AUTS2: variants seen among roughly 807,000 people sequenced by gnomAD.
AUTS2 encodes the protein autism susceptibility gene 2 protein.
A neutral mutation model predicts 112.4 loss-of-function variants in AUTS2; 17 were observed. The observed-to-expected ratio is 0.15, with a 90% confidence interval of 0.10 to 0.23. The LOEUF (loss-of-function observed/expected upper bound fraction) is 0.23. Among genes scored for constraint, AUTS2 ranks in the 10% least tolerant of loss-of-function variants. The probability of loss-of-function intolerance (pLI) is 1.00; values close to 1 mark genes in which losing one functional copy is unlikely to be tolerated. For synonymous variants in AUTS2, 751 were observed against 702.7 expected, an observed-to-expected ratio of 1.07 and a Z score of -1.09; for missense variants, 1,510 against 1,701.6, an observed-to-expected ratio of 0.89 and a Z score of 1.98.
intron 2 of AUTS2, among the ~76,000 whole-genome samples, chr7:69,940,480 G>C (rs1196044134): frequency 6.6e-6 from 1 of 152,182 alleles, no homozygotes; most frequent in Admixed American, 6.5e-5. Context: ...ACAACAGAGA[G>C]AAGCCCATTA....
At chr7:69,609,321 T>C (rs75687067) in intron 1 of AUTS2, among the ~76,000 whole-genome samples, 1 of 152,324 alleles carries the variant, frequency 6.6e-6, no homozygotes, top group African/African-American at 2.4e-5. Flanking sequence ...CTAAGAAATG[T>C]TCTGATTTAC....
chr7:70,309,744 T>C (rs1006597166), intron 4 of AUTS2, among the ~76,000 whole-genome samples: 1 of 152,228 alleles, frequency 6.6e-6, no homozygotes, highest in Non-Finnish European at 1.5e-5. Flanking sequence ...GTAAAACTTA[T>C]TAAGTAGATG....
At chr7:70,097,363 T>G (rs923913106) in intron 2 of AUTS2, among the ~76,000 whole-genome samples, 1 of 152,200 alleles carries the variant, frequency 6.6e-6, no homozygotes, top group Non-Finnish European at 1.5e-5. Flanking sequence ...GGGTGACATT[T>G]TCTTAAGGTT....
chr7:70,475,180 A>T (rs964745214), intron 5 of AUTS2, among the ~76,000 whole-genome samples: 3 of 152,112 alleles, frequency 2.0e-5, no homozygotes, highest in African/African-American at 4.8e-5. Flanking sequence ...ATTCTGAGAG[A>T]TTCTTTTTTT....
At chr7:70,420,190 A>G (rs1017671525) in intron 4 of AUTS2, among the ~76,000 whole-genome samples, 3 of 152,334 alleles carry the variant, frequency 2.0e-5, no homozygotes, top group East Asian at 3.9e-4. Context: ...GACTCTTCAC[A>G]TTCTACTCAA....
At chr7:70,301,912 C>T (rs753841068) in intron 4 of AUTS2, among the ~76,000 whole-genome samples, 10 of 150,928 alleles carry the variant, frequency 6.6e-5, no homozygotes, top group South Asian at 2.1e-4. Flanking sequence ...GTGTGCACCA[C>T]GATGCCTGTG....
At chr7:70,408,106 A>G (rs1794619487) in intron 4 of AUTS2, among the ~76,000 whole-genome samples, 1 of 150,776 alleles carries the variant, frequency 6.6e-6, no homozygotes, top group Non-Finnish European at 1.5e-5. Context: ...GCTTGAGCCC[A>G]GGGTGTTGAG....
At chr7:70,443,578 CAA>C (rs1485672005) in intron 5 of AUTS2, among the ~76,000 whole-genome samples, 3 of 152,178 alleles carry the variant, frequency 2.0e-5, no homozygotes, top group African/African-American at 7.2e-5. Context: ...CTCAGTCTTC[CAA>C]GAGAGAATAA....
At chr7:70,689,775 C>CAAA (rs60869776) in intron 5 of AUTS2, among the ~76,000 whole-genome samples, 11 of 74,680 alleles carry the variant, frequency 1.5e-4, no homozygotes, top group Admixed American at 3.1e-4. Flanking sequence ...GACTCCGTCT[C>CAAA]AAAAAAAAAA....
At chr7:70,546,560 C>T (rs1279440138) in intron 5 of AUTS2, among the ~76,000 whole-genome samples, 9 of 152,122 alleles carry the variant, frequency 5.9e-5, no homozygotes, top group Non-Finnish European at 8.8e-5. Flanking sequence ...GGGCGGATCA[C>T]GAGGTCAGGA....
rs142356989 is a variant in AUTS2, at chr7:70,459,284, A to G, written c.690+23503A>G. On this transcript the variant is annotated intron_variant, in intron 5 of 18. Coordinates refer to ENST00000342771, the MANE Select transcript of AUTS2 (RefSeq NM_015570.4). ...GGTGGGAAAATGATGTTTGCTGACC[A>G]TCCTTGAAATTGAGGCACAATGTAG... 5.9e-5 allele frequency among the ~76,000 whole-genome samples: 9 copies of G among 152,288 alleles called. No individual in the cohort carries two copies. In the South Asian group the frequency reaches 6.2e-4, roughly 11 times the overall value.
chr7:70,315,074 A>G (rs2129616414), intron 4 of AUTS2, among the ~76,000 whole-genome samples: 1 of 152,322 alleles, frequency 6.6e-6, no homozygotes, highest in East Asian at 1.9e-4. Flanking sequence ...TGCTAATAAA[A>G]TAGTTTCTTA....
intron 1 of AUTS2, among the ~76,000 whole-genome samples, chr7:69,807,695 T>G (rs1790366376): frequency 6.6e-6 from 1 of 152,194 alleles, no homozygotes; most frequent in Admixed American, 6.5e-5. Flanking sequence ...ATCTGAATGT[T>G]TGACTGGAGC....
Position 69,838,470 on chromosome 7 carries a change from G to T in AUTS2, c.310-60816G>T, listed in dbSNP as rs114713539. Among the ~76,000 whole-genome samples the T allele has an allele frequency of 2.9e-3, 442 of 152,244 alleles. 5 individuals are homozygous for T. Among genetic ancestry groups the T allele is most frequent in the African/African-American group, 0.01 (428 of 41,548 alleles). On this transcript the variant is annotated intron_variant, in intron 1 of 18. Transcript: ENST00000342771. ...GGAAACTGAGGCACAGAGAGTTTCA[G>T]TCATTTGCCCAAGCCACATAGCTGG...
At chr7:69,891,650 T>A (rs1388047812) in intron 1 of AUTS2, among the ~76,000 whole-genome samples, 2 of 152,116 alleles carry the variant, frequency 1.3e-5, no homozygotes, top group African/African-American at 4.8e-5. Flanking sequence ...AGGGTCATTC[T>A]TTCTTATTTC....
At chr7:70,374,158 G>A (rs1049931669) in intron 4 of AUTS2, among the ~76,000 whole-genome samples, 11 of 152,276 alleles carry the variant, frequency 7.2e-5, no homozygotes, top group Admixed American at 7.2e-4. Flanking sequence ...TCTACAAGAA[G>A]CAGAGTGAGT....
intron 1 of AUTS2, among the ~76,000 whole-genome samples, chr7:69,887,904 A>G (rs1053428026): frequency 6.6e-6 from 1 of 152,048 alleles, no homozygotes. Context: ...AAGGCGATTT[A>G]TGTTATTTCT....
chr7:70,692,440 G>T (rs1284290300), intron 5 of AUTS2, among the ~76,000 whole-genome samples: 1 of 152,132 alleles, frequency 6.6e-6, no homozygotes, highest in Non-Finnish European at 1.5e-5. Flanking sequence ...GTCCACCTTT[G>T]AGCTATCCTG....
rs1344762821 is a variant in AUTS2, at chr7:70,513,407, A to AGAT, written c.690+77626_690+77627insGAT. 8.5e-5 allele frequency among the ~76,000 whole-genome samples: 13 copies of AGAT among 152,280 alleles called. No homozygotes were observed. The South Asian group carries it at 2.5e-3, about 29-fold the overall frequency. On this transcript the variant is annotated intron_variant, in intron 5 of 18. Coordinates refer to ENST00000342771, the MANE Select transcript of AUTS2 (RefSeq NM_015570.4). ...TGTTTTCCATAATTGAAGATAGCAA[A>AGAT]AGCCTGTGTACGATCAAAGACCATT...
Sources: gnomAD v4.1 joint callset for allele counts (sites outside exome capture counted in the v4.1 genomes callset) on GRCh38, gnomAD v4.1.1 for gene constraint, MANE v1.5 for transcripts, NCBI Gene and HGNC (gene_info 2026-07-23, HGNC 2026-07-21) for gene names.